ABRA: variants seen among roughly 807,000 people sequenced by gnomAD.
The protein encoded by ABRA is actin-binding Rho-activating protein.
Under a neutral mutation model 33.4 loss-of-function variants are expected in ABRA, and 25 were observed. The ratio of observed to expected loss-of-function variants is 0.75; its 90% CI spans 0.55 to 1.04. ABRA has a LOEUF of 1.04. ABRA is among the 50% of genes least tolerant of loss of function. The pLI is 0.00. For missense variants in ABRA, 501 were observed against 491.7 expected (o/e 1.02, Z -0.18); for synonymous variants, 193 against 176.8 (o/e 1.09, Z -0.73).
chr8:106,762,396 CAGGCCCATACAGTGTCTAATAA>C (rs1417539517), intron 1 of ABRA, among the ~76,000 whole-genome samples: 1 of 152,202 alleles, frequency 6.6e-6, no homozygotes. Flanking sequence ...TGCCACTCAG[CAGGCCCATACAGTGTCTAATAA>C]AGGAATAAGT....
chr8:106,760,985 C>A lies in ABRA; in HGVS notation c.*52G>T. 1.4e-6 allele frequency: 2 copies of A among 1,474,324 alleles called. No homozygotes were observed. The highest frequency in any genetic ancestry group is 1.4e-5 in the African/African-American group (1 of 71,726). The allele number at this position is 1,474,324 out of a possible 1,614,324, so 91.3% of individuals were successfully genotyped here. On this transcript the variant is annotated 3_prime_UTR_variant, in exon 2 of 2. Transcript: ENST00000311955. The stretch of plus-strand genomic sequence containing the variant: ...TGCATTTTCATTTTACCTACATGAG[C>A]ATTTAGCATTAAGACCATAGTGGGC...
rs770592238 is a variant in ABRA, at chr8:106,770,177, T to C, written c.14A>G (p.Glu5Gly). Reference sequence around the variant, plus strand: ...GGCTGGGCCCTCCCCGCTTTCCTTTTCGCCCGGAGCCATGCTGCCCACCTG... The same window carrying C: ...GGCTGGGCCCTCCCCGCTTTCCTTTCCGCCCGGAGCCATGCTGCCCACCTG... MAPGEKESGEGPAKS... is the reference protein window; with the variant it reads MAPGGKESGEGPAKS... The change falls in exon 1 of 2, where the codon GAA (glutamate) becomes GGA (glycine). Residue 5 changes from glutamate (E) to glycine (G), a missense_variant. Physicochemically the swap from Glu to Gly is moderately conservative, Grantham distance 98. Coordinates refer to ENST00000311955, the MANE Select transcript of ABRA (RefSeq NM_139166.5). The C allele has an allele frequency of 3.1e-6, 5 of 1,606,852 alleles. No individual in the cohort carries two copies. In the Admixed American group the frequency reaches 6.7e-5, roughly 21 times the overall value.
intron 1 of ABRA, among the ~76,000 whole-genome samples, chr8:106,764,400 T>A (rs1336371425): frequency 6.6e-6 from 1 of 152,188 alleles, no homozygotes; most frequent in Non-Finnish European, 1.5e-5. Flanking sequence ...ACGCCTGTAA[T>A]CCCAGCACTT....
chr8:106,761,863 A>C (rs1836145085), intron 1 of ABRA, among the ~76,000 whole-genome samples: 1 of 152,222 alleles, frequency 6.6e-6, no homozygotes, highest in Non-Finnish European at 1.5e-5. Context: ...AACTGAAATC[A>C]TGTAGGTGTT....
intron 1 of ABRA, among the ~76,000 whole-genome samples, chr8:106,767,242 G>C (rs917412080): frequency 6.6e-6 from 1 of 152,202 alleles, no homozygotes; most frequent in African/African-American, 2.4e-5. Context: ...GCTCTACTAT[G>C]CATTCAGGAT....
chr8:106,769,972 C>T lies in ABRA; in HGVS notation c.219G>A (p.Gln73=), dbSNP rs1455726372. 6.2e-7 allele frequency: 1 copy of T among 1,613,866 alleles called. No individual in the cohort carries two copies. The highest frequency in any genetic ancestry group is 1.3e-5 in the African/African-American group (1 of 74,918). The stretch of plus-strand genomic sequence containing the variant: ...GCGACTTTGGGGCACTCTGAGCTTT[C>T]TGGTGTGAAGTAGGGGGTGTGATTG... ...PKPITPPTSH[Q]KAQSAPKSPP... is the part of the protein sequence containing the mutation. Residue 73 remains glutamine (Q), a synonymous_variant, in exon 1 of 2, where the codon CAG becomes CAA. Transcript: ENST00000311955.
At chr8:106,763,246 A>T (rs78867731) in intron 1 of ABRA, among the ~76,000 whole-genome samples, 7,221 of 152,288 alleles carry the variant, frequency 0.047, 227 homozygotes, top group Middle Eastern at 0.099. Context: ...TAGATGGCGA[A>T]CTTTCATCAA....
intron 1 of ABRA, among the ~76,000 whole-genome samples, chr8:106,764,312 G>A (rs2131631333): frequency 6.6e-6 from 1 of 152,234 alleles, no homozygotes; most frequent in Middle Eastern, 3.4e-3. Flanking sequence ...TTGAAACTTA[G>A]TGTCATTTGG....
At chr8:106,768,477 G>C (rs1411510331) in intron 1 of ABRA, among the ~76,000 whole-genome samples, 4 of 152,174 alleles carry the variant, frequency 2.6e-5, no homozygotes, top group Non-Finnish European at 5.9e-5. Flanking sequence ...AAGTTGCAAA[G>C]TAACCAAATC....
intron 1 of ABRA, among the ~76,000 whole-genome samples, chr8:106,761,721 A>G (rs925398447): frequency 3.3e-5 from 5 of 152,204 alleles, no homozygotes; most frequent in Non-Finnish European, 5.9e-5. Context: ...ATATCCTTCT[A>G]GATTGTTTTC....
At chr8:106,768,056 C>G (rs1810531082) in intron 1 of ABRA, among the ~76,000 whole-genome samples, 1 of 149,756 alleles carries the variant, frequency 6.7e-6, no homozygotes, top group East Asian at 2.0e-4. Context: ...GGTCGTGCCA[C>G]TGTACTCCAG....
intron 1 of ABRA, among the ~76,000 whole-genome samples, chr8:106,768,331 G>A (rs561827699): frequency 2.0e-5 from 3 of 152,174 alleles, no homozygotes; most frequent in Non-Finnish European, 4.4e-5. Flanking sequence ...AATAAAGCAC[G>A]TGTTTCTTGT....
rs1020643717 is a variant in ABRA at position 106,759,907 on chromosome 8, T to G, written c.*1130A>C. 7.9e-5 allele frequency: 12 copies of G among 152,190 alleles called. No individual in the cohort carries two copies. Among genetic ancestry groups the G allele is most frequent in the African/African-American group, 2.9e-4 (12 of 41,440 alleles). 9.4% of individuals were successfully genotyped at this position (152,190 alleles called of 1,614,324 possible). On this transcript the variant is annotated 3_prime_UTR_variant, in exon 2 of 2. Transcript: ENST00000311955. Reference sequence around the variant, plus strand: ...ATGATTTTCTCCTTGCCATCATCATTGTATATTTTTTACTTTGGCAGAACT... The same window carrying G: ...ATGATTTTCTCCTTGCCATCATCATGGTATATTTTTTACTTTGGCAGAACT...
At position 106,770,030 on chromosome 8, in the gene ABRA, C is replaced by T. The variant is rs747564086; in HGVS notation, c.161G>A (p.Gly54Glu). 19 of 1,613,904 alleles carry T rather than the reference C, an allele frequency of 1.2e-5. No homozygotes were observed. Among genetic ancestry groups the T allele is most frequent in the Non-Finnish European group, 1.4e-5 (17 of 1,180,014 alleles). ...QAQEPTGWLP[G>E]GTQDSPQAPK... ...AGCTTGAGGTGAGTCCTGGGTCCCT[C>T]CCGGCAGCCAGCCTGTAGGCTCCTG... The change falls in exon 1 of 2, where the codon GGA becomes GAA. Residue 54 changes from glycine (G) to glutamate (E), a missense_variant. Gly to Glu is a moderately conservative substitution (Grantham distance 98). Coordinates refer to ENST00000311955, the MANE Select transcript of ABRA (RefSeq NM_139166.5).
chr8:106,763,472 A>T (rs930731560), intron 1 of ABRA, among the ~76,000 whole-genome samples: 1 of 152,230 alleles, frequency 6.6e-6, no homozygotes, highest in South Asian at 2.1e-4. Flanking sequence ...AAGTGCTAGG[A>T]GCTCACCAGG....
chr8:106,765,322 C>A (rs932100412), intron 1 of ABRA, among the ~76,000 whole-genome samples: 1 of 152,168 alleles, frequency 6.6e-6, no homozygotes, highest in Non-Finnish European at 1.5e-5. Flanking sequence ...ACTTGAATCA[C>A]CAGCTTCAAA....
chr8:106,766,832 C>A (rs1836228025), intron 1 of ABRA, among the ~76,000 whole-genome samples: 1 of 152,162 alleles, frequency 6.6e-6, no homozygotes, highest in Non-Finnish European at 1.5e-5. Flanking sequence ...ATAAAAATAA[C>A]CCCGTGAGAT....
intron 1 of ABRA, among the ~76,000 whole-genome samples, chr8:106,769,107 A>C (rs976100823): frequency 2.0e-5 from 3 of 152,204 alleles, no homozygotes; most frequent in Non-Finnish European, 4.4e-5. Flanking sequence ...TCCTGATAAT[A>C]GCATAGACAT....
rs1254573450 is a variant in ABRA, at chr8:106,759,555, T to C, written c.*1482A>G. On this transcript the variant is annotated 3_prime_UTR_variant, in exon 2 of 2. Transcript: ENST00000311955. ...GCGTAGGTTTCACTTGTAATAGAAG[T>C]GTGCATCTTACATGAAATCCTACTT... 3 of 152,212 alleles carry C rather than the reference T, an allele frequency of 2.0e-5. No individual in the cohort carries two copies. The highest frequency in any genetic ancestry group is 2.9e-5 in the Non-Finnish European group (2 of 68,032). The allele number at this position is 152,212 out of a possible 1,614,324, so 9.4% of individuals were successfully genotyped here.
Sources: allele counts gnomAD v4.1 joint callset (sites outside exome capture counted in the v4.1 genomes callset), GRCh38; gene constraint gnomAD v4.1.1; transcripts MANE v1.5; gene names NCBI Gene and HGNC (gene_info 2026-07-23, HGNC 2026-07-21).